The following MED13 variants were observed in gnomAD, a reference collection of about 807,000 sequenced individuals.
The protein encoded by MED13 is mediator complex subunit 13, also known as mediator of RNA polymerase II transcription subunit 13.
A neutral mutation model predicts 225.2 loss-of-function variants in MED13; 23 were observed. The observed-to-expected ratio is 0.10, with a 90% CI of 0.07 to 0.14. MED13 has a LOEUF of 0.14. Among genes scored for constraint, MED13 ranks in the 10% least tolerant of loss-of-function variants. The pLI is 1.00. For synonymous variants in MED13, 942 were observed against 889.2 expected (o/e 1.06, Z -1.06); for missense variants, 2,197 against 2,594.5 (o/e 0.85, Z 3.33).
chr17:62,023,296 T>C (rs1196580012), intron 8 of MED13, among the ~76,000 whole-genome samples: 1 of 152,064 alleles, frequency 6.6e-6, no homozygotes. Flanking sequence ...ACAGAAGAAA[T>C]TCACTATAGA....
chr17:62,030,292 C>T (rs2080742557), intron 6 of MED13: 2 of 299,938 alleles, frequency 6.7e-6, no homozygotes. Context: ...GGGAGGTGGG[C>T]TGAGGGCAAG....
chr17:61,947,408 C>A (rs73334652), intron 28 of MED13, among the ~76,000 whole-genome samples: 9 of 152,006 alleles, frequency 5.9e-5, no homozygotes. Context: ...TGAGACCATA[C>A]AATAATCCTT....
At chr17:62,037,179 C>T (rs570910876) in intron 3 of MED13, among the ~76,000 whole-genome samples, 2 of 151,246 alleles carry the variant, frequency 1.3e-5, no homozygotes, top group East Asian at 3.9e-4. Context: ...CTTGAATCCA[C>T]GATGTGGAGG....
chr17:61,971,071 G>T (rs1284728861), intron 17 of MED13, among the ~76,000 whole-genome samples: 2 of 151,850 alleles, frequency 1.3e-5, no homozygotes, highest in African/African-American at 2.4e-5. Flanking sequence ...TAAAGCCAGG[G>T]ATCTGTGCAT....
chr17:61,986,895 A>G (rs1178511596), intron 12 of MED13, 112 bp downstream of exon 12: 4 of 586,912 alleles, frequency 6.8e-6, no homozygotes, highest in Non-Finnish European at 1.0e-5. Context: ...TATATTTCCT[A>G]TTGTTCAGGG....
At chr17:61,978,931 A>G (rs2143441403) in intron 16 of MED13, among the ~76,000 whole-genome samples, 1 of 152,310 alleles carries the variant, frequency 6.6e-6, no homozygotes, top group South Asian at 2.1e-4. Context: ...TTAATAATAA[A>G]ATGAACAACT....
chr17:62,005,299 T>A (rs1208282937), intron 9 of MED13: 1 of 152,234 alleles, frequency 6.6e-6, no homozygotes, highest in Non-Finnish European at 1.5e-5. Flanking sequence ...CAATCCAGAT[T>A]AATTTTAATT....
In MED13 at chr17:61,966,612, A is replaced by C; in HGVS notation, c.4231T>G (p.Leu1411Val). The C allele has an allele frequency of 6.2e-7, 1 of 1,613,554 alleles. No individual in the cohort carries two copies. Among genetic ancestry groups the C allele is most frequent in the Non-Finnish European group, 8.5e-7 (1 of 1,179,824 alleles). The change falls in exon 19 of 30, where the codon TTA (leucine) becomes GTA (valine). Residue 1411 changes from leucine (L) to valine (V), a missense_variant. By Grantham distance (32) the Leu-to-Val change is conservative. Around this residue, in one of 12 missense-constraint regions of MED13, gnomAD observed 457 missense variants for 442.2 expected, o/e 1.03. Coordinates refer to ENST00000397786, the MANE Select transcript of MED13 (RefSeq NM_005121.3). ...LGQHRPVSRL[L>V]TDGIMRVGST... The stretch of plus-strand genomic sequence containing the variant: ...CCAACTCTCATGATCCCATCTGTTA[A>C]CAGTCGAGAAACAGGTCTATGTTGA...
At chr17:62,009,276 A>C (rs553372486) in intron 9 of MED13, among the ~76,000 whole-genome samples, 1 of 152,376 alleles carries the variant, frequency 6.6e-6, no homozygotes, top group African/African-American at 2.4e-5. Context: ...TCTTCTGCCC[A>C]AAGTATAACA....
intron 5 of MED13, chr17:62,032,456 G>C (rs565367692): frequency 7.3e-6 from 1 of 136,678 alleles, no homozygotes; most frequent in Non-Finnish European, 1.5e-5. Flanking sequence ...CCTGAGCAGC[G>C]ACAGAGCGAG....
chr17:61,985,098 A>T lies in MED13; in HGVS notation c.2386-8T>A. 6.2e-7 allele frequency: 1 copy of T among 1,607,360 alleles called. No individual in the cohort carries two copies. The highest frequency in any genetic ancestry group is 8.5e-7 in the Non-Finnish European group (1 of 1,176,354). On this transcript the variant is annotated splice_polypyrimidine_tract_variant and splice_region_variant and intron_variant, in intron 12 of 29. Coordinates refer to ENST00000397786, the MANE Select transcript of MED13 (RefSeq NM_005121.3). The stretch of plus-strand genomic sequence containing the variant: ...TGATTTTTTAGATCCAGGCTATTTA[A>T]AAAAAGCACATATTTATCTAAAATT...
chr17:61,983,017 T>C lies in MED13; in HGVS notation c.2986A>G (p.Ser996Gly). ...GGAGAAGGAAGAATTCCTGCTCCGC[T>C]GTTACTAGGAGGTGCACTGCTAGGA... ...MPPSSAPPSN[S>G]GAGILPSPST... The change falls in exon 16 of 30, where the codon AGC (serine) becomes GGC (glycine). Residue 996 changes from serine (S) to glycine (G), a missense_variant. Ser to Gly is a moderately conservative substitution (Grantham distance 56). Coordinates refer to ENST00000397786, the MANE Select transcript of MED13 (RefSeq NM_005121.3). 2.5e-6 allele frequency: 4 copies of C among 1,614,068 alleles called. No homozygotes were observed. The highest frequency in any genetic ancestry group is 3.4e-6 in the Non-Finnish European group (4 of 1,179,990).
At chr17:61,958,153 C>A (rs1449037891) in intron 23 of MED13, among the ~76,000 whole-genome samples, 1 of 152,066 alleles carries the variant, frequency 6.6e-6, no homozygotes, top group Non-Finnish European at 1.5e-5. Context: ...CGTGAGCCAC[C>A]GCGCCCAGCT....
intron 9 of MED13, among the ~76,000 whole-genome samples, chr17:61,997,148 C>T (rs1304158402): frequency 6.6e-6 from 1 of 152,184 alleles, no homozygotes; most frequent in African/African-American, 2.4e-5. Context: ...TTATCTCATT[C>T]ATCTATTCAC....
intron 12 of MED13, among the ~76,000 whole-genome samples, chr17:61,985,387 T>TA (rs757283724): frequency 2.2e-4 from 34 of 152,072 alleles, no homozygotes; most frequent in Non-Finnish European, 4.1e-4. Flanking sequence ...AACCCAGTAA[T>TA]AAGAGGCCGG....
intron 3 of MED13, among the ~76,000 whole-genome samples, chr17:62,047,327 T>C (rs1006359869): frequency 1.3e-5 from 2 of 152,104 alleles, no homozygotes; most frequent in African/African-American, 4.8e-5. Flanking sequence ...GCTGAAATCA[T>C]GCCACTGTAC....
chr17:61,955,268 T>A, intron 26 of MED13, 114 bp downstream of exon 26: 1 of 869,830 alleles, frequency 1.1e-6, no homozygotes, highest in Non-Finnish European at 1.7e-6. Flanking sequence ...ACTTATCACA[T>A]CTGCAAAATC....
At chr17:61,980,290 C>G (rs1052970473) in intron 16 of MED13, among the ~76,000 whole-genome samples, 2 of 152,078 alleles carry the variant, frequency 1.3e-5, no homozygotes, top group Non-Finnish European at 2.9e-5. Context: ...TTCCTGGTGC[C>G]TTTTCTCCCT....
At chr17:61,946,703 A>G (rs2079854264) in intron 29 of MED13, 103 bp from the exon 30 acceptor site, 1 of 1,365,702 alleles carries the variant, frequency 7.3e-7, no homozygotes, top group East Asian at 2.4e-5. Context: ...ACCTTAAAAA[A>G]GAGTGTAACA....
Sources: allele counts gnomAD v4.1 joint callset (sites outside exome capture counted in the v4.1 genomes callset), GRCh38; gene constraint gnomAD v4.1.1; regional missense constraint gnomAD v4.1.1; transcripts MANE v1.5; gene names NCBI Gene and HGNC (gene_info 2026-07-23, HGNC 2026-07-21).